The following EBF1 variants were observed in gnomAD, a reference collection of about 807,000 sequenced individuals.
EBF1 encodes the protein EBF transcription factor 1.
Under a neutral mutation model 68.4 loss-of-function variants are expected in EBF1, and 10 were observed. The ratio of observed to expected loss-of-function variants is 0.15; its 90% CI spans 0.09 to 0.25. The LOEUF (loss-of-function observed/expected upper bound fraction) is 0.25. Ranked by LOEUF, EBF1 falls within the 10% of genes least tolerant of loss-of-function variation. The pLI is 1.00. For missense variants in EBF1, 509 were observed against 794.4 expected (o/e 0.64, Z 4.32); for synonymous variants, 298 against 299.8 (o/e 0.99, Z 0.06).
intron 6 of EBF1, among the ~76,000 whole-genome samples, chr5:159,065,571 G>C (rs1357619228): frequency 6.6e-6 from 1 of 151,946 alleles, no homozygotes. Flanking sequence ...CCCACACATG[G>C]TATCAATATT....
At chr5:159,052,477 T>A (rs4640838) in intron 6 of EBF1, among the ~76,000 whole-genome samples, 1 of 152,192 alleles carries the variant, frequency 6.6e-6, no homozygotes, top group South Asian at 2.1e-4. Flanking sequence ...CAAGGTTTGG[T>A]GTTCAGTCCT....
At chr5:158,987,686 G>A (rs1024003429) in intron 6 of EBF1, among the ~76,000 whole-genome samples, 3 of 152,166 alleles carry the variant, frequency 2.0e-5, no homozygotes, top group Admixed American at 6.5e-5. Flanking sequence ...ACATGTGTCC[G>A]TGGGTGCCTA....
chr5:158,915,007 AT>A (rs1372142807), intron 6 of EBF1, among the ~76,000 whole-genome samples: 1 of 152,184 alleles, frequency 6.6e-6, no homozygotes, highest in Non-Finnish European at 1.5e-5. Flanking sequence ...AAAACTGTCA[AT>A]TTTAGTTCAT....
chr5:159,012,146 G>A (rs1364672576), intron 6 of EBF1, among the ~76,000 whole-genome samples: 2 of 152,162 alleles, frequency 1.3e-5, no homozygotes, highest in African/African-American at 4.8e-5. Flanking sequence ...AATTAGCTGG[G>A]TGTGGTGGCA....
At chr5:158,704,364 G>A (rs921525548) in intron 15 of EBF1, among the ~76,000 whole-genome samples, 2 of 152,186 alleles carry the variant, frequency 1.3e-5, no homozygotes, top group Non-Finnish European at 2.9e-5. Flanking sequence ...ACAGAACCAT[G>A]CACAGTTAAC....
chr5:158,918,211 T>C (rs1807633689), intron 6 of EBF1, among the ~76,000 whole-genome samples: 1 of 152,216 alleles, frequency 6.6e-6, no homozygotes, highest in Non-Finnish European at 1.5e-5. Flanking sequence ...TGGAAACTCT[T>C]TCAGTCTTCT....
At chr5:158,790,539 C>T (rs954613696) in intron 9 of EBF1, among the ~76,000 whole-genome samples, 1 of 152,088 alleles carries the variant, frequency 6.6e-6, no homozygotes, top group Admixed American at 6.5e-5. Flanking sequence ...AAGTTTGGGA[C>T]ATGCTGAATA....
chr5:159,046,467 G>A (rs1350812613), intron 6 of EBF1, among the ~76,000 whole-genome samples: 3 of 152,154 alleles, frequency 2.0e-5, no homozygotes, highest in Non-Finnish European at 4.4e-5. Context: ...AGAGCCATGG[G>A]CCTAAGTGGA....
intron 6 of EBF1, among the ~76,000 whole-genome samples, chr5:158,999,621 T>C (rs1762124794): frequency 6.6e-6 from 1 of 152,210 alleles, no homozygotes; most frequent in Non-Finnish European, 1.5e-5. Context: ...TGTTCCAATG[T>C]TGACATGGTA....
chr5:158,915,871 T>C (rs1014246622), intron 6 of EBF1, among the ~76,000 whole-genome samples: 5 of 152,148 alleles, frequency 3.3e-5, no homozygotes, highest in African/African-American at 1.2e-4. Context: ...TCAAAAGGGG[T>C]CCACATTCAA....
intron 6 of EBF1, among the ~76,000 whole-genome samples, chr5:158,856,996 CA>C (rs961079400): frequency 6.6e-6 from 1 of 152,074 alleles, no homozygotes; most frequent in African/African-American, 2.4e-5. Flanking sequence ...CAAAACAAAA[CA>C]AAACAAACCT....
chr5:159,079,716 A>C (rs1317562141), intron 5 of EBF1, among the ~76,000 whole-genome samples: 2 of 146,710 alleles, frequency 1.4e-5, no homozygotes, highest in African/African-American at 2.6e-5. Flanking sequence ...GGTTCAAGTG[A>C]TTCTCGTGCC....
chr5:159,038,582 T>G (rs558812443), intron 6 of EBF1, among the ~76,000 whole-genome samples: 1 of 152,308 alleles, frequency 6.6e-6, no homozygotes, highest in East Asian at 1.9e-4. Context: ...TAACTTAGAC[T>G]GCATTTAAGA....
In EBF1 at chr5:159,056,047, A is replaced by AT. The variant is rs201558042; in HGVS notation, c.554+17348dup. 5.0e-3 allele frequency among the ~76,000 whole-genome samples: 761 copies of AT among 152,326 alleles called. 8 individuals are homozygous for AT. The highest frequency in any genetic ancestry group is 0.017 in the African/African-American group (727 of 41,568). The stretch of plus-strand genomic sequence containing the variant: ...GGAGAGACTAACCCTACATGAAACC[A>AT]TTTTTTAATAGGTTTAGCATGATTA... On this transcript the variant is annotated intron_variant, in intron 6 of 15. Coordinates refer to ENST00000313708, the MANE Select transcript of EBF1 (RefSeq NM_024007.5).
intron 6 of EBF1, among the ~76,000 whole-genome samples, chr5:158,969,842 G>GAGAAAGAAAGAAAGAAAGAAAGAA (rs1166776071): frequency 3.0e-5 from 2 of 67,580 alleles, no homozygotes; most frequent in East Asian, 6.6e-4. Flanking sequence ...AAGAAAGAAA[G>GAGAAAGAAAGAAAGAAAGAAAGAA]AGAAAGAAAG....
At chr5:158,954,358 G>A (rs1186647126) in intron 6 of EBF1, among the ~76,000 whole-genome samples, 4 of 152,316 alleles carry the variant, frequency 2.6e-5, no homozygotes, top group Admixed American at 1.3e-4. Context: ...TGCCAGCAAC[G>A]GTGCCAAATG....
At chr5:158,740,650 A>G (rs972975100) in intron 10 of EBF1, among the ~76,000 whole-genome samples, 2 of 152,210 alleles carry the variant, frequency 1.3e-5, no homozygotes, top group Admixed American at 6.5e-5. Flanking sequence ...GCGAGCTACA[A>G]TGGCCTTGCA....
intron 10 of EBF1, among the ~76,000 whole-genome samples, chr5:158,757,523 T>C (rs1770389490): frequency 6.6e-6 from 1 of 152,198 alleles, no homozygotes; most frequent in Admixed American, 6.5e-5. Context: ...GGATGATTAA[T>C]AAATATTTGT....
intron 6 of EBF1, among the ~76,000 whole-genome samples, chr5:159,061,048 A>G (rs1584344227): frequency 1.3e-5 from 2 of 152,190 alleles, no homozygotes; most frequent in African/African-American, 2.4e-5. Flanking sequence ...GAAGTTTGAG[A>G]AATGTTCCTT....
Sources: allele counts gnomAD v4.1 joint callset (sites outside exome capture counted in the v4.1 genomes callset), GRCh38; gene constraint gnomAD v4.1.1; transcripts MANE v1.5; gene names NCBI Gene and HGNC (gene_info 2026-07-23, HGNC 2026-07-21).